Variants in GRM7 observed in about 807,000 individuals in gnomAD.
GRM7 encodes the protein metabotropic glutamate receptor 7.
Under a neutral mutation model 84.5 loss-of-function variants are expected in GRM7, and 35 were observed. The observed-to-expected ratio is 0.41, with a 90% CI of 0.32 to 0.55. The LOEUF is 0.55. GRM7 is among the 20% of genes least tolerant of loss of function. GRM7 has a pLI of 0.19. For missense variants in GRM7, 1,003 were observed against 1,194.6 expected (o/e 0.84, Z 2.36); for synonymous variants, 487 against 455.1 (o/e 1.07, Z -0.89).
intron 7 of GRM7, among the ~76,000 whole-genome samples, chr3:7,515,778 TA>T (rs888548536): frequency 2.0e-5 from 3 of 152,104 alleles, no homozygotes; most frequent in Non-Finnish European, 4.4e-5. Context: ...CAGATCTTAC[TA>T]AACTAGGGCC....
chr3:6,897,966 A>C (rs1234657817), intron 1 of GRM7, among the ~76,000 whole-genome samples: 1 of 152,192 alleles, frequency 6.6e-6, no homozygotes, highest in African/African-American at 2.4e-5. Context: ...TCACTCAGCA[A>C]CTTGGCAGGG....
chr3:7,208,627 G>A (rs1180874606), intron 2 of GRM7, among the ~76,000 whole-genome samples: 4 of 152,170 alleles, frequency 2.6e-5, no homozygotes, highest in Admixed American at 1.3e-4. Context: ...AGCTGATATC[G>A]TAGTATTATC....
At chr3:6,890,524 G>C (rs948375208) in intron 1 of GRM7, among the ~76,000 whole-genome samples, 3 of 152,168 alleles carry the variant, frequency 2.0e-5, no homozygotes, top group East Asian at 1.9e-4. Flanking sequence ...TGTTCAGTTT[G>C]CATGTAGTTG....
At chr3:7,283,784 A>C (rs1009931659) in intron 2 of GRM7, among the ~76,000 whole-genome samples, 4 of 152,208 alleles carry the variant, frequency 2.6e-5, no homozygotes, top group Non-Finnish European at 5.9e-5. Context: ...GCAGTTAAAA[A>C]ATTCACAAAG....
chr3:7,106,755 A>G (rs1692661000), intron 1 of GRM7, among the ~76,000 whole-genome samples: 1 of 152,084 alleles, frequency 6.6e-6, no homozygotes, highest in East Asian at 1.9e-4. Context: ...ACTATTTGTG[A>G]GATAAACTTG....
At chr3:7,211,736 G>A (rs1375109448) in intron 2 of GRM7, among the ~76,000 whole-genome samples, 1 of 150,744 alleles carries the variant, frequency 6.6e-6, no homozygotes, top group African/African-American at 2.4e-5. Context: ...GCAAGTACCA[G>A]AAGAAATTCA....
chr3:7,409,251 T>C (rs1355020771), intron 4 of GRM7, among the ~76,000 whole-genome samples: 1 of 152,234 alleles, frequency 6.6e-6, no homozygotes, highest in Non-Finnish European at 1.5e-5. Context: ...CTGTATGAAC[T>C]TTAAAAGCAA....
rs1700310775 is a variant in GRM7, at chr3:7,680,253, G to A, written c.2656G>A (p.Gly886Ser). 3.1e-6 allele frequency: 5 copies of A among 1,613,992 alleles called. No homozygotes were observed. Among genetic ancestry groups the A allele is most frequent in the Non-Finnish European group, 4.2e-6 (5 of 1,179,984 alleles). The change falls in exon 9 of 10, where the codon GGT becomes AGT. Residue 886 changes from glycine to serine, a missense_variant. By Grantham distance (56) the Gly-to-Ser change is moderately conservative. This residue lies in a region of GRM7 where 910 missense variants were observed against 1,126.0 expected (regional missense o/e 0.81). Coordinates refer to ENST00000357716, the MANE Select transcript of GRM7 (RefSeq NM_000844.4). The stretch of plus-strand genomic sequence containing the variant: ...ACACAAACCCAGTGACAGACCCAAC[G>A]GTGAGGCAAAGACCGAGCTCTGTGA... Reference protein sequence around the residue: ...LSHKPSDRPNGEAKTELCENV... With the variant: ...LSHKPSDRPNSEAKTELCENV...
At chr3:7,505,981 C>T (rs996354670) in intron 7 of GRM7, among the ~76,000 whole-genome samples, 1 of 152,200 alleles carries the variant, frequency 6.6e-6, no homozygotes, top group Non-Finnish European at 1.5e-5. Flanking sequence ...TTTTCCAAAT[C>T]TTTGCACTCT....
chr3:7,368,292 G>C (rs910703906), intron 4 of GRM7, among the ~76,000 whole-genome samples: 4 of 151,958 alleles, frequency 2.6e-5, no homozygotes, highest in Admixed American at 2.6e-4. Flanking sequence ...TTAAAAACTG[G>C]AATGATATAT....
At chr3:6,915,190 A>C (rs924383354) in intron 1 of GRM7, among the ~76,000 whole-genome samples, 7 of 152,226 alleles carry the variant, frequency 4.6e-5, no homozygotes, top group African/African-American at 1.7e-4. Flanking sequence ...TGAATCTTAT[A>C]TAAAATAGTC....
At chr3:7,339,659 A>G (rs949554005) in intron 4 of GRM7, among the ~76,000 whole-genome samples, 3 of 152,146 alleles carry the variant, frequency 2.0e-5, no homozygotes, top group African/African-American at 7.2e-5. Flanking sequence ...TTTTAAAGGA[A>G]TTGATCCAAG....
chr3:7,322,387 C>G (rs186870971), intron 4 of GRM7, among the ~76,000 whole-genome samples: 3 of 151,814 alleles, frequency 2.0e-5, no homozygotes, highest in Admixed American at 1.3e-4. Context: ...TTTTTTTAAA[C>G]TTTTATGTAT....
At chr3:7,560,983 A>G (rs1254387254) in intron 7 of GRM7, among the ~76,000 whole-genome samples, 3 of 152,168 alleles carry the variant, frequency 2.0e-5, no homozygotes, top group Admixed American at 2.0e-4. Flanking sequence ...GATGGCAGAT[A>G]GCCCTTGAAT....
At chr3:7,360,560 T>C (rs1693616767) in intron 4 of GRM7, among the ~76,000 whole-genome samples, 1 of 152,140 alleles carries the variant, frequency 6.6e-6, no homozygotes. Flanking sequence ...TCAATATCTT[T>C]ATTATTCATT....
intron 2 of GRM7, among the ~76,000 whole-genome samples, chr3:7,183,376 C>T (rs551628497): frequency 1.1e-4 from 17 of 152,236 alleles, no homozygotes; most frequent in South Asian, 1.0e-3. Flanking sequence ...CCTGTAATCC[C>T]GGCACTTTGG....
intron 4 of GRM7, among the ~76,000 whole-genome samples, chr3:7,314,964 C>T (rs1051214646): frequency 6.6e-6 from 1 of 151,782 alleles, no homozygotes; most frequent in African/African-American, 2.4e-5. Flanking sequence ...TGTTTAGTGA[C>T]TTTTCCATAC....
chr3:7,099,029 C>T (rs11131062), intron 1 of GRM7, among the ~76,000 whole-genome samples: 1 of 151,624 alleles, frequency 6.6e-6, no homozygotes, highest in South Asian at 2.1e-4. Context: ...ACCACTGTTA[C>T]TAAGTTCCTT....
chr3:7,262,356 A>G (rs74698730), intron 2 of GRM7, among the ~76,000 whole-genome samples: 2,369 of 152,212 alleles, frequency 0.016, 55 homozygotes, highest in African/African-American at 0.054. Context: ...CCAGTCTTCA[A>G]GCTTTGAGAT....
Sources: gnomAD v4.1 joint callset for allele counts (sites outside exome capture counted in the v4.1 genomes callset) on GRCh38, gnomAD v4.1.1 for gene constraint, gnomAD v4.1.1 regional missense constraint, MANE v1.5 for transcripts, NCBI Gene and HGNC (gene_info 2026-07-23, HGNC 2026-07-21) for gene names.